The following ITGA8 variants were observed in gnomAD, a reference collection of about 807,000 sequenced individuals.
ITGA8 encodes integrin subunit alpha 8.
ITGA8 carries 91 observed loss-of-function variants against 142.3 expected under a neutral mutation model. The ratio of observed to expected loss-of-function variants is 0.64; its 90% CI spans 0.54 to 0.76. ITGA8 has a LOEUF of 0.76. Ranked by LOEUF, ITGA8 falls within the 30% of genes least tolerant of loss-of-function variation. The pLI is 0.00. For missense variants in ITGA8, 1,406 were observed against 1,327.7 expected, an observed-to-expected ratio of 1.06 and a Z score of -0.92; for synonymous variants, 505 against 485.2, an observed-to-expected ratio of 1.04 and a Z score of -0.54.
intron 25 of ITGA8, among the ~76,000 whole-genome samples, chr10:15,563,035 A>T (rs2131574102): frequency 6.6e-6 from 1 of 152,238 alleles, no homozygotes; most frequent in African/African-American, 2.4e-5. Context: ...GTTGTTTAAA[A>T]GTGTGTGGCA....
intron 23 of ITGA8, among the ~76,000 whole-genome samples, chr10:15,584,216 G>A (rs887285775): frequency 6.6e-6 from 1 of 152,236 alleles, no homozygotes; most frequent in African/African-American, 2.4e-5. Context: ...AGAATCACTC[G>A]AACCCTGGAG....
At chr10:15,685,880 A>T (rs1834825578) in intron 3 of ITGA8, among the ~76,000 whole-genome samples, 1 of 152,356 alleles carries the variant, frequency 6.6e-6, no homozygotes, top group East Asian at 1.9e-4. Flanking sequence ...ATCTTCTTCA[A>T]GTAAATGAAA....
At chr10:15,521,887 G>A (rs1205749742) in intron 28 of ITGA8, among the ~76,000 whole-genome samples, 2 of 152,178 alleles carry the variant, frequency 1.3e-5, no homozygotes, top group Non-Finnish European at 2.9e-5. Flanking sequence ...ATTCATAAGT[G>A]GGAGCTAAAC....
At chr10:15,704,038 T>C (rs971344150) in intron 2 of ITGA8, among the ~76,000 whole-genome samples, 1 of 152,176 alleles carries the variant, frequency 6.6e-6, no homozygotes, top group Non-Finnish European at 1.5e-5. Context: ...AATATAATGG[T>C]AACCCCATTA....
At chr10:15,599,793 C>A (rs567492845) in intron 20 of ITGA8, among the ~76,000 whole-genome samples, 8 of 152,050 alleles carry the variant, frequency 5.3e-5, no homozygotes, top group Non-Finnish European at 1.0e-4. Context: ...TGGTGGCTGG[C>A]GCCTGTAATC....
Position 15,516,167 on chromosome 10 carries a change from A to G in ITGA8, c.*991T>C, listed in dbSNP as rs911565161. Reference sequence around the variant, plus strand: ...TACCCATAATGTTAAATTGCTTTTTAATTAATGAACTCTAGACATTTTACC... The same window carrying G: ...TACCCATAATGTTAAATTGCTTTTTGATTAATGAACTCTAGACATTTTACC... On this transcript the variant is annotated 3_prime_UTR_variant, in exon 30 of 30. Transcript: ENST00000378076. 2.6e-5 allele frequency: 4 copies of G among 152,228 alleles called. No homozygotes were observed. Among genetic ancestry groups the G allele is most frequent in the Non-Finnish European group, 5.9e-5 (4 of 68,044 alleles). 9.4% of individuals were successfully genotyped at this position (152,228 alleles called of 1,614,324 possible).
chr10:15,606,262 G>C, intron 18 of ITGA8, 23 bp downstream of exon 18: 1 of 1,578,656 alleles, frequency 6.3e-7, no homozygotes. Flanking sequence ...AGAAAATGCC[G>C]TCAAAGACTG....
At chr10:15,550,587 A>C (rs998405789) in intron 26 of ITGA8, among the ~76,000 whole-genome samples, 1 of 152,198 alleles carries the variant, frequency 6.6e-6, no homozygotes, top group African/African-American at 2.4e-5. Flanking sequence ...CACCTAGCAG[A>C]ATGGGAGACC....
chr10:15,574,403 C>T (rs1834242874), intron 24 of ITGA8, among the ~76,000 whole-genome samples: 1 of 151,974 alleles, frequency 6.6e-6, no homozygotes, highest in African/African-American at 2.4e-5. Context: ...GCTTTTATTT[C>T]ATTTTAGAGA....
intron 1 of ITGA8, 80 bp from the exon 2 acceptor site, chr10:15,718,979 CCGGGGACACTGG>C: frequency 1.3e-6 from 2 of 1,597,990 alleles, no homozygotes; most frequent in Non-Finnish European, 1.7e-6. Context: ...AACCTCCTGC[CCGGGGACACTGG>C]GGCAGGCGTG....
intron 9 of ITGA8, 106 bp downstream of exon 9, chr10:15,660,773 A>G (rs1042394760): frequency 1.1e-6 from 1 of 912,914 alleles, no homozygotes; most frequent in Non-Finnish European, 1.7e-6. Context: ...TGTGTTTTCA[A>G]CTGACAGTAT....
intron 9 of ITGA8, among the ~76,000 whole-genome samples, chr10:15,659,509 G>A (rs1236872345): frequency 1.3e-5 from 2 of 152,174 alleles, no homozygotes; most frequent in Non-Finnish European, 2.9e-5. Context: ...ATGCTTTCTA[G>A]ATACTTTTGT....
intron 25 of ITGA8, among the ~76,000 whole-genome samples, chr10:15,561,743 T>C (rs1833985916): frequency 6.6e-6 from 1 of 152,124 alleles, no homozygotes; most frequent in Non-Finnish European, 1.5e-5. Flanking sequence ...CAATTGAGGA[T>C]GGAAGAGAGA....
chr10:15,655,043 AAGAG>A (rs1834156688), intron 11 of ITGA8, among the ~76,000 whole-genome samples: 1 of 152,222 alleles, frequency 6.6e-6, no homozygotes, highest in Admixed American at 6.5e-5. Flanking sequence ...TCTAGGAGTG[AAGAG>A]AGATAGATGA....
chr10:15,586,661 G>T lies in ITGA8; in HGVS notation c.2295C>A (p.Ser765=). ...SINFDLQIRS[S]NKDNPDSNFV... Reference sequence around the variant, plus strand: ...AATTGCTGTCTGGATTGTCCTTGTTGGAACTAAAACACAAGGACATGTGAT... The same window carrying T: ...AATTGCTGTCTGGATTGTCCTTGTTTGAACTAAAACACAAGGACATGTGAT... The change falls in exon 23 of 30, where the codon TCC becomes TCA. Residue 765 remains serine, a synonymous_variant. Transcript: ENST00000378076. 1 of 1,596,448 alleles carries T rather than the reference G, an allele frequency of 6.3e-7. No individual in the cohort carries two copies. The highest frequency in any genetic ancestry group is 8.6e-7 in the Non-Finnish European group (1 of 1,164,192).
chr10:15,538,527 A>T (rs35675936), intron 27 of ITGA8, among the ~76,000 whole-genome samples: 2 of 149,380 alleles, frequency 1.3e-5, no homozygotes, highest in African/African-American at 2.5e-5. Flanking sequence ...AAAAAAAAAA[A>T]AAAACTATAG....
At chr10:15,658,130 C>G (rs1834220394) in intron 10 of ITGA8, among the ~76,000 whole-genome samples, 1 of 152,140 alleles carries the variant, frequency 6.6e-6, no homozygotes, top group Non-Finnish European at 1.5e-5. Context: ...TGATTTATTT[C>G]ATTCTTAAAG....
chr10:15,636,873 G>A (rs1833780081), intron 13 of ITGA8, among the ~76,000 whole-genome samples: 1 of 152,176 alleles, frequency 6.6e-6, no homozygotes, highest in African/African-American at 2.4e-5. Flanking sequence ...GGTCGGCCAC[G>A]GTGGCTCACA....
chr10:15,620,135 C>G (rs140560387), intron 13 of ITGA8, among the ~76,000 whole-genome samples: 56 of 152,296 alleles, frequency 3.7e-4, no homozygotes, highest in African/African-American at 1.3e-3. Context: ...GGCACAGTGC[C>G]AGATGCAGAA....
Sources: gnomAD v4.1 joint callset for allele counts (sites outside exome capture counted in the v4.1 genomes callset) on GRCh38, gnomAD v4.1.1 for gene constraint, MANE v1.5 for transcripts, NCBI Gene and HGNC (gene_info 2026-07-23, HGNC 2026-07-21) for gene names.